GAB2: variants seen among roughly 807,000 people sequenced by gnomAD.
GAB2 encodes the protein GRB2 associated binding protein 2.
Under a neutral mutation model 65.5 loss-of-function variants are expected in GAB2, and 26 were observed. The ratio of observed to expected loss-of-function variants is 0.40; its 90% CI spans 0.29 to 0.55. The LOEUF (loss-of-function observed/expected upper bound fraction) is 0.55. GAB2 is among the 20% of genes least tolerant of loss of function. The pLI is 0.53. For missense variants in GAB2, 884 were observed against 875.8 expected (o/e 1.01, Z -0.12); for synonymous variants, 321 against 329.6 (o/e 0.97, Z 0.28).
rs73500917 is a variant in GAB2 at position 78,333,128 on chromosome 11, T to C, written c.76-52227A>G. 5.2e-3 allele frequency among the ~76,000 whole-genome samples: 787 copies of C among 152,302 alleles called. 5 individuals are homozygous for C. The highest frequency in any genetic ancestry group is 0.018 in the African/African-American group (760 of 41,546). ...ATACTCTTGATCCAGTGCTTTACAG[T>C]CTTCACCCGGAAATACTGGGCTCCA... is the stretch of plus-strand genomic sequence containing the variant. On this transcript the variant is annotated intron_variant, in intron 1 of 9. Transcript: ENST00000361507.
chr11:78,339,639 T>A (rs942965564), intron 1 of GAB2, among the ~76,000 whole-genome samples: 4 of 152,200 alleles, frequency 2.6e-5, no homozygotes, highest in Admixed American at 6.5e-5. Flanking sequence ...GGCCATTACA[T>A]AGGAGGATTA....
In GAB2 at chr11:78,250,258, T is replaced by A. The variant is rs1345718960; in HGVS notation, c.519A>T (p.Glu173Asp). The change falls in exon 3 of 10, where the codon GAA becomes GAT. Residue 173 changes from glutamate (E) to aspartate (D), a missense_variant. Coordinates refer to ENST00000361507, the MANE Select transcript of GAB2 (RefSeq NM_080491.3). The part of the protein sequence containing the change: ...HSSQPTLFTF[E>D]PPVSNHMQPT... ...GCTGCATGTGGTTTGACACAGGGGGTTCAAACGTGAACAGAGTTGGCTGGC... is the reference window on the plus strand; with the variant it reads ...GCTGCATGTGGTTTGACACAGGGGGATCAAACGTGAACAGAGTTGGCTGGC... 1 of 1,611,846 alleles carries A rather than the reference T, an allele frequency of 6.2e-7. No homozygotes were observed. Among genetic ancestry groups the A allele is most frequent in the South Asian group, 1.1e-5 (1 of 90,834 alleles).
chr11:78,354,104 T>G (rs1199798658), intron 1 of GAB2, among the ~76,000 whole-genome samples: 2 of 152,198 alleles, frequency 1.3e-5, no homozygotes, highest in African/African-American at 4.8e-5. Flanking sequence ...TGTCTTCCTA[T>G]AACCTGTACC....
chr11:78,307,651 T>C (rs990199622), intron 1 of GAB2, among the ~76,000 whole-genome samples: 10 of 127,260 alleles, frequency 7.9e-5, no homozygotes, highest in Non-Finnish European at 1.3e-4. Context: ...AGTCAAAAGA[T>C]ACGATTTAAA....
At chr11:78,269,233 A>C (rs769325519) in intron 2 of GAB2, among the ~76,000 whole-genome samples, 3 of 152,102 alleles carry the variant, frequency 2.0e-5, no homozygotes, top group Admixed American at 1.3e-4. Context: ...GAGAAGATGC[A>C]TATTACCGCC....
At position 78,374,631 on chromosome 11, in the gene GAB2, T is replaced by C. The variant is rs1856610722; in HGVS notation, c.75+43015A>G. 2.0e-5 allele frequency among the ~76,000 whole-genome samples: 3 copies of C among 152,346 alleles called. No homozygotes were observed. In the South Asian group the frequency reaches 6.2e-4, roughly 32 times the overall value. ...ACGCTGAATGCTAAAAATACAAAGA[T>C]GAATACTATCCCTATCTTTAAGGGT... On this transcript the variant is annotated intron_variant, in intron 1 of 9. Transcript: ENST00000361507.
chr11:78,225,900 G>A (rs1351525970), intron 4 of GAB2, among the ~76,000 whole-genome samples: 1 of 152,152 alleles, frequency 6.6e-6, no homozygotes, highest in African/African-American at 2.4e-5. Flanking sequence ...AATTAATATT[G>A]TTCTATTTTT....
intron 3 of GAB2, among the ~76,000 whole-genome samples, chr11:78,230,888 T>A (rs1864825369): frequency 6.6e-6 from 1 of 152,246 alleles, no homozygotes; most frequent in African/African-American, 2.4e-5. Context: ...AGTATTTTCA[T>A]GTAAACCTTA....
In GAB2 at chr11:78,340,371, T is replaced by C. The variant is rs189111349; in HGVS notation, c.76-59470A>G. Among the ~76,000 whole-genome samples, 432 of 152,284 alleles carry C rather than the reference T, an allele frequency of 2.8e-3. 2 individuals carry two copies. The highest frequency in any genetic ancestry group is 4.5e-3 in the Non-Finnish European group (305 of 68,028). ...TGAACAAAGATGGGCTGAGAATCAA[T>C]GATGTTGCCCTAAGTGACAAGATGC... On this transcript the variant is annotated intron_variant, in intron 1 of 9. Coordinates refer to ENST00000361507, the MANE Select transcript of GAB2 (RefSeq NM_080491.3).
chr11:78,336,326 C>CAAAAA (rs71046966), intron 1 of GAB2, among the ~76,000 whole-genome samples: 4 of 19,254 alleles, frequency 2.1e-4, no homozygotes, highest in African/African-American at 3.8e-4. Flanking sequence ...GACTGTCTCT[C>CAAAAA]AAAAAAAAAA....
At chr11:78,313,113 G>A (rs1251022827) in intron 1 of GAB2, among the ~76,000 whole-genome samples, 2 of 152,154 alleles carry the variant, frequency 1.3e-5, no homozygotes, top group East Asian at 3.8e-4. Context: ...TGAAGAAGGT[G>A]TCACTTGCTC....
Position 78,365,248 on chromosome 11 carries a change from G to A in GAB2, c.75+52398C>T, listed in dbSNP as rs533813797. ...GATTAAAAAGCCACCAGTAAGGCAG[G>A]CATTAGAATCCAGCTCACCTGATTG... On this transcript the variant is annotated intron_variant, in intron 1 of 9. Transcript: ENST00000361507. Among the ~76,000 whole-genome samples, 223 of 152,314 alleles carry A rather than the reference G, an allele frequency of 1.5e-3. 1 individual carries two copies. The highest frequency in any genetic ancestry group is 2.4e-3 in the Non-Finnish European group (162 of 68,018).
chr11:78,405,359 A>G (rs1351261604), intron 1 of GAB2, among the ~76,000 whole-genome samples: 3 of 152,150 alleles, frequency 2.0e-5, no homozygotes, highest in Non-Finnish European at 4.4e-5. Flanking sequence ...TCGGCCTCCC[A>G]AAGTGCTGGG....
At chr11:78,348,023 T>C (rs57256153) in intron 1 of GAB2, among the ~76,000 whole-genome samples, 5,381 of 152,226 alleles carry the variant, frequency 0.035, 259 homozygotes, top group African/African-American at 0.12. Flanking sequence ...AAAAAAATCA[T>C]AAGGAAGATT....
At position 78,220,401 on chromosome 11, in the gene GAB2, C is replaced by G. The variant is rs775474040; in HGVS notation, c.1805G>C (p.Ser602Thr). ...SASPVPSGTN[S>T]PAPKKSTGSV... is the part of the protein sequence containing the mutation. ...GCCGGTGCTCTTCTTAGGGGCAGGA[C>G]TGTTCGTGCCACTGGGAACGGGAGA... The change falls in exon 9 of 10, where the codon AGT (serine) becomes ACT (threonine). Residue 602 changes from serine (S) to threonine (T), a missense_variant. By Grantham distance (58) the Ser-to-Thr change is moderately conservative. Transcript: ENST00000361507. The G allele has an allele frequency of 1.3e-6, 2 of 1,599,254 alleles. No homozygotes were observed. Among genetic ancestry groups the G allele is most frequent in the East Asian group, 2.3e-5 (1 of 44,184 alleles).
intron 1 of GAB2, among the ~76,000 whole-genome samples, chr11:78,317,823 C>T (rs1855641454): frequency 2.0e-5 from 3 of 152,042 alleles, no homozygotes; most frequent in Admixed American, 2.0e-4. Context: ...GAATTCTTTT[C>T]TTTTCTGGGC....
chr11:78,275,248 G>A (rs1021267263), intron 2 of GAB2, among the ~76,000 whole-genome samples: 5 of 152,114 alleles, frequency 3.3e-5, no homozygotes, highest in African/African-American at 1.2e-4. Flanking sequence ...TGGGGAGTGG[G>A]TAGACGGAGA....
At chr11:78,343,541 T>C (rs1370384291) in intron 1 of GAB2, among the ~76,000 whole-genome samples, 1 of 152,186 alleles carries the variant, frequency 6.6e-6, no homozygotes, top group Non-Finnish European at 1.5e-5. Context: ...TTGGTAAATG[T>C]ACATTATTGT....
At chr11:78,314,745 T>A (rs1437236997) in intron 1 of GAB2, among the ~76,000 whole-genome samples, 1 of 152,192 alleles carries the variant, frequency 6.6e-6, no homozygotes, top group African/African-American at 2.4e-5. Flanking sequence ...ATATTGCATA[T>A]GTGGAATGGT....
Sources: gnomAD v4.1 joint callset for allele counts (sites outside exome capture counted in the v4.1 genomes callset) on GRCh38, gnomAD v4.1.1 for gene constraint, MANE v1.5 for transcripts, NCBI Gene and HGNC (gene_info 2026-07-23, HGNC 2026-07-21) for gene names.